The following XIRP2 variants were observed in gnomAD, a reference collection of about 807,000 sequenced individuals.
XIRP2 encodes xin actin-binding repeat-containing protein 2.
A neutral mutation model predicts 277.0 loss-of-function variants in XIRP2; 236 were observed. The ratio of observed to expected loss-of-function variants is 0.85; its 90% CI spans 0.77 to 0.95. The LOEUF is 0.95. Among genes scored for constraint, XIRP2 ranks in the 40% least tolerant of loss-of-function variants. The probability of loss-of-function intolerance (pLI) is 0.00; values close to 1 mark genes in which losing one functional copy is unlikely to be tolerated. For synonymous variants in XIRP2, 1,490 were observed against 1,416.5 expected (o/e 1.05, Z -1.17); for missense variants, 4,640 against 4,157.5 (o/e 1.12, Z -3.19).
chr2:167,251,455 T>C lies in XIRP2; in HGVS notation c.10063T>C (p.Tyr3355His). ...TGAAGCAAAGTCAAATAGAAGAGTT[T>C]ATGCAAAGGGAGAAACAAACCATAA... ...VSEAKSNRRV[Y>H]AKGETNHNIQ... is the part of the protein sequence containing the mutation. The change falls in exon 9 of 11, where the codon TAT becomes CAT. Residue 3355 changes from tyrosine to histidine, a missense_variant. By Grantham distance (83) the Tyr-to-His change is moderately conservative. Transcript: ENST00000409195. The C allele has an allele frequency of 6.2e-7, 1 of 1,613,610 alleles. No homozygotes were observed. Among genetic ancestry groups the C allele is most frequent in the East Asian group, 2.2e-5 (1 of 44,844 alleles).
At chr2:167,253,244 G>T (rs888992335) in intron 9 of XIRP2, among the ~76,000 whole-genome samples, 1 of 151,868 alleles carries the variant, frequency 6.6e-6, no homozygotes, top group African/African-American at 2.4e-5. Context: ...ACAAACACTG[G>T]TTAGTAATAG....
At chr2:167,164,747 G>T (rs1173919062) in intron 3 of XIRP2, among the ~76,000 whole-genome samples, 3 of 151,860 alleles carry the variant, frequency 2.0e-5, no homozygotes, top group African/African-American at 7.3e-5. Context: ...TCAATTTTAG[G>T]TTCACAGAAA....
At chr2:166,922,947 T>A (rs1253953844) in intron 2 of XIRP2, among the ~76,000 whole-genome samples, 1 of 151,916 alleles carries the variant, frequency 6.6e-6, no homozygotes, top group African/African-American at 2.4e-5. Flanking sequence ...ATCTTCTTTA[T>A]TATTCTTCAT....
chr2:166,906,263 A>G (rs1377336628), intron 2 of XIRP2, among the ~76,000 whole-genome samples: 1 of 152,044 alleles, frequency 6.6e-6, no homozygotes, highest in African/African-American at 2.4e-5. Context: ...CACTTGGTTT[A>G]TAAAATTTGT....
chr2:166,995,298 G>A (rs1687187733), intron 2 of XIRP2, among the ~76,000 whole-genome samples: 1 of 152,172 alleles, frequency 6.6e-6, no homozygotes, highest in Non-Finnish European at 1.5e-5. Context: ...GCGTGGCTGA[G>A]CCCTACTGAA....
intron 2 of XIRP2, among the ~76,000 whole-genome samples, chr2:166,927,940 A>G (rs1685233768): frequency 6.6e-6 from 1 of 152,144 alleles, no homozygotes; most frequent in Non-Finnish European, 1.5e-5. Context: ...AGGGGAAATT[A>G]GAAATGTTAA....
chr2:167,196,903 C>T (rs1693537674), intron 3 of XIRP2, among the ~76,000 whole-genome samples: 1 of 152,102 alleles, frequency 6.6e-6, no homozygotes, highest in South Asian at 2.1e-4. Flanking sequence ...GCTCACTGGG[C>T]TGGGGAGGCT....
chr2:167,143,358 GA>G (rs975364570), intron 3 of XIRP2, among the ~76,000 whole-genome samples: 3 of 151,908 alleles, frequency 2.0e-5, no homozygotes, highest in Non-Finnish European at 4.4e-5. Flanking sequence ...TAGAAATGCT[GA>G]TTTTTTAAAG....
At chr2:167,117,015 A>G (rs962513703) in intron 2 of XIRP2, among the ~76,000 whole-genome samples, 1 of 152,236 alleles carries the variant, frequency 6.6e-6, no homozygotes, top group African/African-American at 2.4e-5. Flanking sequence ...TAATAGTTCT[A>G]TCTGTTTCCA....
At chr2:166,903,322 A>C (rs1340201386) in intron 1 of XIRP2, 143 bp from the exon 2 acceptor site, 7 of 747,602 alleles carry the variant, frequency 9.4e-6, no homozygotes, top group Non-Finnish European at 1.3e-5. Context: ...GAAGAGCCAG[A>C]AATTGTGTGG....
intron 3 of XIRP2, among the ~76,000 whole-genome samples, chr2:167,152,559 C>T (rs139019875): frequency 6.6e-6 from 1 of 152,126 alleles, no homozygotes; most frequent in East Asian, 1.9e-4. Flanking sequence ...CAGGAGTGAA[C>T]CTGGGATAGG....
intron 2 of XIRP2, among the ~76,000 whole-genome samples, chr2:167,046,572 C>A (rs565050631): frequency 6.6e-6 from 1 of 151,948 alleles, no homozygotes; most frequent in African/African-American, 2.4e-5. Context: ...TACATATACA[C>A]CATGGAATAC....
At chr2:167,082,565 G>A (rs1395262489) in intron 2 of XIRP2, among the ~76,000 whole-genome samples, 1 of 152,148 alleles carries the variant, frequency 6.6e-6, no homozygotes, top group African/African-American at 2.4e-5. Context: ...CCCACCAACA[G>A]TGTAAAAGTG....
intron 3 of XIRP2, among the ~76,000 whole-genome samples, chr2:167,144,465 C>T (rs1691810274): frequency 6.6e-6 from 1 of 151,888 alleles, no homozygotes; most frequent in East Asian, 1.9e-4. Flanking sequence ...AACAGCCAGT[C>T]GTTCTATTTT....
At chr2:166,947,164 CAA>C (rs926243516) in intron 2 of XIRP2, among the ~76,000 whole-genome samples, 1 of 151,496 alleles carries the variant, frequency 6.6e-6, no homozygotes, top group African/African-American at 2.4e-5. Flanking sequence ...ATTATGTTTT[CAA>C]AAAAAAGGTG....
Position 167,247,988 on chromosome 2 carries a change from T to C in XIRP2, c.6596T>C (p.Ile2199Thr). The change falls in exon 9 of 11, where the codon ATA (isoleucine) becomes ACA (threonine). Residue 2199 changes from isoleucine to threonine, a missense_variant. Transcript: ENST00000409195. The part of the protein sequence containing the change: ...KQETKYSNKD[I>T]KKKNINLQPM... ...GAAACAAAATATTCTAATAAGGATA[T>C]AAAGAAAAAGAATATAAACCTTCAA... The C allele has an allele frequency of 6.2e-7, 1 of 1,612,370 alleles. No homozygotes were observed. The highest frequency in any genetic ancestry group is 8.5e-7 in the Non-Finnish European group (1 of 1,179,384).
chr2:167,194,672 A>G (rs750323082), intron 3 of XIRP2, among the ~76,000 whole-genome samples: 3 of 152,120 alleles, frequency 2.0e-5, no homozygotes, highest in Non-Finnish European at 4.4e-5. Flanking sequence ...TAACTGGTTG[A>G]ACGCAGACTT....
At chr2:167,082,669 T>C (rs1689773336) in intron 2 of XIRP2, among the ~76,000 whole-genome samples, 2 of 152,216 alleles carry the variant, frequency 1.3e-5, no homozygotes, top group Admixed American at 1.3e-4. Context: ...CTCATTGTGG[T>C]TTTGATTTGC....
At chr2:166,914,551 A>T (rs1684810542) in intron 2 of XIRP2, among the ~76,000 whole-genome samples, 1 of 152,144 alleles carries the variant, frequency 6.6e-6, no homozygotes. Flanking sequence ...CATGTTAGCC[A>T]GGATGATCTT....
Sources: gnomAD v4.1 joint callset for allele counts (sites outside exome capture counted in the v4.1 genomes callset) on GRCh38, gnomAD v4.1.1 for gene constraint, MANE v1.5 for transcripts, NCBI Gene and HGNC (gene_info 2026-07-23, HGNC 2026-07-21) for gene names.